Variants in PIK3CB observed in about 807,000 individuals in gnomAD.
The protein encoded by PIK3CB is phosphatidylinositol 4,5-bisphosphate 3-kinase catalytic subunit beta isoform.
PIK3CB carries 39 observed loss-of-function variants against 136.8 expected under a neutral mutation model. That is an observed-to-expected ratio of 0.29 (90% confidence interval 0.22 to 0.37). PIK3CB has a LOEUF of 0.37. Ranked by LOEUF, PIK3CB falls within the 10% of genes least tolerant of loss-of-function variation. PIK3CB has a pLI of 1.00. For missense variants in PIK3CB, 868 were observed against 1,275.4 expected, an observed-to-expected ratio of 0.68 and a Z score of 4.87; for synonymous variants, 428 against 436.6, an observed-to-expected ratio of 0.98 and a Z score of 0.25.
chr3:138,656,313 GA>G (rs1203504621), intron 22 of PIK3CB, 39 bp from the exon 23 acceptor site: 1 of 1,609,076 alleles, frequency 6.2e-7, no homozygotes, highest in Non-Finnish European at 8.5e-7. Flanking sequence ...CACAGTGTTA[GA>G]GGGGAGAGAG....
At chr3:138,729,195 C>T (rs2044912831) in intron 8 of PIK3CB, among the ~76,000 whole-genome samples, 1 of 151,178 alleles carries the variant, frequency 6.6e-6, no homozygotes, top group African/African-American at 2.4e-5. Flanking sequence ...GCATGAGAAT[C>T]ACTTGAACCC....
intron 20 of PIK3CB, 69 bp from the exon 21 acceptor site, chr3:138,664,098 C>T (rs1183856455): frequency 6.5e-7 from 1 of 1,538,538 alleles, no homozygotes; most frequent in African/African-American, 1.4e-5. Context: ...GAGACCCAAA[C>T]CATACCTCTG....
intron 2 of PIK3CB, chr3:138,769,937 CACAG>C (rs756632970): frequency 2.0e-5 from 3 of 152,314 alleles, no homozygotes; most frequent in Non-Finnish European, 2.9e-5. Context: ...CAGGAATACA[CACAG>C]ACAGAGTCAG....
chr3:138,780,974 A>C (rs1576409893), intron 2 of PIK3CB, among the ~76,000 whole-genome samples: 1 of 152,208 alleles, frequency 6.6e-6, no homozygotes. Flanking sequence ...CATGACCCAC[A>C]ATGCTCCAGC....
chr3:138,798,501 A>G (rs2046134420), intron 1 of PIK3CB, among the ~76,000 whole-genome samples: 1 of 152,202 alleles, frequency 6.6e-6, no homozygotes, highest in African/African-American at 2.4e-5. Context: ...TATATAAAGA[A>G]ACTCTAGAAG....
At chr3:138,705,186 C>A (rs201997168) in intron 11 of PIK3CB, among the ~76,000 whole-genome samples, 15,519 of 50,484 alleles carry the variant, frequency 0.31, 3,277 homozygotes, top group East Asian at 0.84. Context: ...AAAAACAAAA[C>A]AAACAAAAAA....
chr3:138,772,186 C>T (rs563185379), intron 2 of PIK3CB, among the ~76,000 whole-genome samples: 4 of 152,088 alleles, frequency 2.6e-5, no homozygotes, highest in African/African-American at 4.8e-5. Flanking sequence ...AACTAATATA[C>T]ACATTAGAAT....
At chr3:138,795,838 C>T (rs2046103183) in intron 2 of PIK3CB, among the ~76,000 whole-genome samples, 1 of 152,086 alleles carries the variant, frequency 6.6e-6, no homozygotes, top group Non-Finnish European at 1.5e-5. Context: ...GATTTTCAGC[C>T]ATAAACAGTC....
rs200750330 is a variant in PIK3CB at position 138,759,382 on chromosome 3, T to C, written c.-16-23A>G. On this transcript the variant is annotated intron_variant, in intron 2 of 23. Coordinates refer to ENST00000674063, the MANE Select transcript of PIK3CB (RefSeq NM_006219.3). ...GCCCTAGAAATCAGTAATTAAAACATAGCAAAACAACCATCAGCCAAATTT... is the reference window on the plus strand; with the variant it reads ...GCCCTAGAAATCAGTAATTAAAACACAGCAAAACAACCATCAGCCAAATTT... The C allele has an allele frequency of 5.2e-4, 802 of 1,551,206 alleles. 2 individuals carry two copies. In the African/African-American group the frequency reaches 5.2e-3, roughly 10 times the overall value.
At chr3:138,678,714 A>G (rs2043699871) in intron 19 of PIK3CB, among the ~76,000 whole-genome samples, 1 of 152,204 alleles carries the variant, frequency 6.6e-6, no homozygotes. Flanking sequence ...CTGGTATACA[A>G]ATGTCAATTT....
At chr3:138,717,181 G>A (rs2044628150) in intron 8 of PIK3CB, among the ~76,000 whole-genome samples, 1 of 151,044 alleles carries the variant, frequency 6.6e-6, no homozygotes, top group Non-Finnish European at 1.5e-5. Flanking sequence ...TTGAACCCAG[G>A]AGGCAGAGGT....
chr3:138,740,879 A>G (rs1156664512), intron 5 of PIK3CB, among the ~76,000 whole-genome samples: 3 of 152,114 alleles, frequency 2.0e-5, no homozygotes, highest in Admixed American at 2.0e-4. Context: ...CCTGGGTTCA[A>G]GAGATCCTCC....
rs1311239169 is a variant in PIK3CB, at chr3:138,726,584, A to G, written c.1050+6777T>C. 3.3e-5 allele frequency among the ~76,000 whole-genome samples: 5 copies of G among 152,214 alleles called. No individual in the cohort carries two copies. In the East Asian group the frequency reaches 9.6e-4, roughly 29 times the overall value. On this transcript the variant is annotated intron_variant, in intron 8 of 23. Transcript: ENST00000674063. ...CAGAAGAGAAAAAAGAAACAAAAAG[A>G]GGAGAAAAAGAGGTACAATTCATAC... is the stretch of plus-strand genomic sequence containing the variant.
chr3:138,717,746 G>T (rs2108594109), intron 8 of PIK3CB, among the ~76,000 whole-genome samples: 1 of 152,198 alleles, frequency 6.6e-6, no homozygotes, highest in Middle Eastern at 3.4e-3. Flanking sequence ...GTGTTCATAA[G>T]TTCTTATCAT....
chr3:138,760,503 G>A (rs1275673478), intron 2 of PIK3CB, among the ~76,000 whole-genome samples: 1 of 152,094 alleles, frequency 6.6e-6, no homozygotes, highest in Non-Finnish European at 1.5e-5. Context: ...TATTCCTTAA[G>A]GGCTTCCTTC....
At chr3:138,787,481 A>G (rs1043608198) in intron 2 of PIK3CB, among the ~76,000 whole-genome samples, 2 of 152,180 alleles carry the variant, frequency 1.3e-5, no homozygotes, top group Admixed American at 1.3e-4. Context: ...ATCTTTCAAA[A>G]TTTCCATTAT....
At chr3:138,693,182 C>T (rs1421992991) in intron 14 of PIK3CB, among the ~76,000 whole-genome samples, 1 of 152,126 alleles carries the variant, frequency 6.6e-6, no homozygotes, top group East Asian at 1.9e-4. Flanking sequence ...CAACCTCCGC[C>T]TCCAGGGCTC....
chr3:138,687,322 T>C (rs1378567662), intron 16 of PIK3CB, among the ~76,000 whole-genome samples: 2 of 152,082 alleles, frequency 1.3e-5, no homozygotes, highest in Non-Finnish European at 2.9e-5. Context: ...CCAGAAAATA[T>C]GCAGTGTGGA....
intron 4 of PIK3CB, among the ~76,000 whole-genome samples, chr3:138,748,635 G>A (rs1331223713): frequency 6.6e-6 from 1 of 152,116 alleles, no homozygotes; most frequent in Non-Finnish European, 1.5e-5. Context: ...ATTATACAGT[G>A]GTGCAGGAGA....
Sources: gnomAD v4.1 joint callset for allele counts (sites outside exome capture counted in the v4.1 genomes callset) on GRCh38, gnomAD v4.1.1 for gene constraint, MANE v1.5 for transcripts, NCBI Gene and HGNC (gene_info 2026-07-23, HGNC 2026-07-21) for gene names.